Variants in GPC6 observed in about 807,000 individuals in gnomAD.
GPC6 encodes glypican 6.
Under a neutral mutation model 55.2 loss-of-function variants are expected in GPC6, and 14 were observed. The ratio of observed to expected loss-of-function variants is 0.25; its 90% CI spans 0.17 to 0.40. The LOEUF (loss-of-function observed/expected upper bound fraction) is 0.40. Ranked by LOEUF, GPC6 falls within the 10% of genes least tolerant of loss-of-function variation. The pLI is 1.00. For missense variants in GPC6, 641 were observed against 708.5 expected (o/e 0.90, Z 1.08); for synonymous variants, 278 against 259.6 (o/e 1.07, Z -0.68).
intron 3 of GPC6, among the ~76,000 whole-genome samples, chr13:93,901,154 G>A (rs969117985): frequency 1.3e-5 from 2 of 152,132 alleles, no homozygotes; most frequent in Non-Finnish European, 2.9e-5. Context: ...CTTAGACATG[G>A]TTGATAAGGA....
At position 93,638,107 on chromosome 13, in the gene GPC6, C is replaced by G. The variant is rs150303555; in HGVS notation, c.319+92686C>G. Among the ~76,000 whole-genome samples, 47 of 152,168 alleles carry G rather than the reference C, an allele frequency of 3.1e-4. No individual in the cohort carries two copies. The East Asian group carries it at 7.9e-3, about 26-fold the overall frequency. ...CATGCACACTGTGGAAATAGAGTGA[C>G]ACATTGTAGCTTATAGCTAAAACAC... is the stretch of plus-strand genomic sequence containing the variant. On this transcript the variant is annotated intron_variant, in intron 2 of 8. Coordinates refer to ENST00000377047, the MANE Select transcript of GPC6 (RefSeq NM_005708.5).
intron 6 of GPC6, among the ~76,000 whole-genome samples, chr13:94,340,914 C>A (rs1878002725): frequency 6.6e-6 from 1 of 152,172 alleles, no homozygotes; most frequent in Non-Finnish European, 1.5e-5. Context: ...GTATTTAGTA[C>A]TTCAAATAGT....
At chr13:93,891,661 C>T (rs1435762975) in intron 3 of GPC6, among the ~76,000 whole-genome samples, 1 of 152,130 alleles carries the variant, frequency 6.6e-6, no homozygotes, top group Non-Finnish European at 1.5e-5. Context: ...TATGTACACA[C>T]ACACATTCTA....
rs545520999 is a variant in GPC6, at chr13:94,116,981, TC to T, written c.877+89094del. The stretch of plus-strand genomic sequence containing the variant: ...GACATAACAGAGTTTGGGGTTCTTT[TC>T]CCCCCCAAATACAGTACTATGTTTC... On this transcript the variant is annotated intron_variant, in intron 4 of 8. Transcript: ENST00000377047. Among the ~76,000 whole-genome samples, 117 of 151,912 alleles carry T rather than the reference TC, an allele frequency of 7.7e-4. 1 individual carries two copies. Among genetic ancestry groups the T allele is most frequent in the African/African-American group, 2.7e-3 (112 of 41,424 alleles).
At chr13:93,672,067 A>C (rs1881380612) in intron 2 of GPC6, among the ~76,000 whole-genome samples, 1 of 152,086 alleles carries the variant, frequency 6.6e-6, no homozygotes. Context: ...TATATTTTGA[A>C]GGAAAGAACA....
Position 94,067,744 on chromosome 13 carries a change from G to A in GPC6, c.877+39850G>A, listed in dbSNP as rs557654475. Among the ~76,000 whole-genome samples the A allele has an allele frequency of 5.9e-5, 9 of 152,252 alleles. No individual in the cohort carries two copies. The South Asian group carries it at 1.0e-3, about 18-fold the overall frequency. On this transcript the variant is annotated intron_variant, in intron 4 of 8. Coordinates refer to ENST00000377047, the MANE Select transcript of GPC6 (RefSeq NM_005708.5). ...ATATGTGTGTGGCTAAAAAATGTGA[G>A]TAGAGAGTATGTTTATATGTTTGCA...
intron 1 of GPC6, among the ~76,000 whole-genome samples, chr13:93,512,357 T>C (rs1584146): frequency 0.83 from 126,766 of 151,948 alleles, 53,945 homozygotes; most frequent in Non-Finnish European, 0.92. Context: ...TCTGTCTATG[T>C]TTAGTTTGTT....
At chr13:93,525,817 A>C (rs1881624576) in intron 1 of GPC6, among the ~76,000 whole-genome samples, 1 of 152,102 alleles carries the variant, frequency 6.6e-6, no homozygotes, top group African/African-American at 2.4e-5. Flanking sequence ...GACTGAAAGA[A>C]TGAGTAGAGA....
intron 4 of GPC6, among the ~76,000 whole-genome samples, chr13:94,112,825 G>A (rs1005068853): frequency 6.6e-6 from 1 of 151,924 alleles, no homozygotes; most frequent in African/African-American, 2.4e-5. Context: ...CGAAAGAAAG[G>A]AATTTTCTTT....
chr13:93,774,810 C>A (rs141403094), intron 2 of GPC6, among the ~76,000 whole-genome samples: 1 of 151,956 alleles, frequency 6.6e-6, no homozygotes, highest in Non-Finnish European at 1.5e-5. Context: ...TTGGGGGAGA[C>A]CATCAATTGG....
intron 1 of GPC6, among the ~76,000 whole-genome samples, chr13:93,345,283 C>G (rs1297730828): frequency 6.6e-6 from 1 of 152,040 alleles, no homozygotes; most frequent in Non-Finnish European, 1.5e-5. Flanking sequence ...AACTGTTTCA[C>G]AGGGTTGTTA....
intron 2 of GPC6, among the ~76,000 whole-genome samples, chr13:93,757,066 C>G (rs1884795611): frequency 6.6e-6 from 1 of 152,162 alleles, no homozygotes; most frequent in South Asian, 2.1e-4. Context: ...TATGTTATGA[C>G]AGATACCTCT....
intron 1 of GPC6, among the ~76,000 whole-genome samples, chr13:93,279,740 T>C (rs1189212492): frequency 6.6e-6 from 1 of 152,216 alleles, no homozygotes; most frequent in African/African-American, 2.4e-5. Flanking sequence ...CTCTACTTAC[T>C]AGTGTGGACA....
chr13:94,333,278 T>G (rs1375479971), intron 6 of GPC6, among the ~76,000 whole-genome samples: 2 of 152,340 alleles, frequency 1.3e-5, no homozygotes, highest in African/African-American at 4.8e-5. Flanking sequence ...GATTATGCAT[T>G]AGATGCAGTC....
intron 2 of GPC6, among the ~76,000 whole-genome samples, chr13:93,708,522 T>C (rs938493560): frequency 1.3e-5 from 2 of 151,864 alleles, no homozygotes; most frequent in African/African-American, 4.8e-5. Context: ...GAGGTTTTGC[T>C]GTTATCCTCT....
chr13:93,427,701 C>G (rs1000757866), intron 1 of GPC6, among the ~76,000 whole-genome samples: 1 of 152,130 alleles, frequency 6.6e-6, no homozygotes, highest in African/African-American at 2.4e-5. Context: ...AGCCTTCAAC[C>G]TTGCCTGAGG....
At chr13:93,322,875 G>A (rs1879507225) in intron 1 of GPC6, among the ~76,000 whole-genome samples, 1 of 152,042 alleles carries the variant, frequency 6.6e-6, no homozygotes, top group African/African-American at 2.4e-5. Context: ...TGCCATGGTG[G>A]TTTGCTGCAC....
intron 2 of GPC6, among the ~76,000 whole-genome samples, chr13:93,555,115 T>A (rs1566421307): frequency 6.6e-6 from 1 of 152,228 alleles, no homozygotes; most frequent in Admixed American, 6.5e-5. Context: ...TTTTATTTTT[T>A]AAAATTTATT....
chr13:93,800,600 A>G (rs9524224), intron 2 of GPC6, among the ~76,000 whole-genome samples: 49,984 of 151,990 alleles, frequency 0.33, 8,606 homozygotes, highest in African/African-American at 0.43. Context: ...ACAGGTTTCC[A>G]TGTCATGTTA....
Sources: allele counts gnomAD v4.1 joint callset (sites outside exome capture counted in the v4.1 genomes callset), GRCh38; gene constraint gnomAD v4.1.1; transcripts MANE v1.5; gene names NCBI Gene and HGNC (gene_info 2026-07-23, HGNC 2026-07-21).